Variants in NLRC5 observed in about 807,000 individuals in gnomAD.
NLRC5 encodes the protein protein NLRC5.
NLRC5 carries 114 observed loss-of-function variants against 206.9 expected under a neutral mutation model. The observed-to-expected ratio is 0.55, with a 90% confidence interval of 0.47 to 0.64. The LOEUF (loss-of-function observed/expected upper bound fraction) is 0.64, where lower values mean the gene tolerates loss of function less well. NLRC5 is among the 30% of genes least tolerant of loss of function. The probability of loss-of-function intolerance (pLI) is 0.00; values close to 1 mark genes in which losing one functional copy is unlikely to be tolerated. For missense variants in NLRC5, 2,008 were observed against 2,305.5 expected (o/e 0.87, Z 2.64); for synonymous variants, 952 against 962.8 (o/e 0.99, Z 0.21).
intron 48 of NLRC5, 53 bp downstream of exon 48, chr16:57,081,663 C>T: frequency 6.7e-7 from 1 of 1,484,998 alleles, no homozygotes. Context: ...ACACCAACCC[C>T]CAGATCTAAT....
Position 57,042,071 on chromosome 16 carries a change from T to C in NLRC5, c.3113+6T>C. 6.6e-7 allele frequency: 1 copy of C among 1,521,268 alleles called. No individual in the cohort carries two copies. Among genetic ancestry groups the C allele is most frequent in the Non-Finnish European group, 8.8e-7 (1 of 1,135,688 alleles). The allele number at this position is 1,521,268 out of a possible 1,614,324, so 94.2% of individuals were successfully genotyped here. A position where few individuals can be genotyped will look rare whatever the true frequency, so the allele number is the denominator to read the frequency against. The stretch of plus-strand genomic sequence containing the variant: ...GGAGCTCTGCAGTCCTTGAAGTGAG[T>C]AGCCCGCTAGGCAGAGCCTCTGAGG... On this transcript the variant is annotated splice_donor_region_variant and intron_variant, in intron 19 of 48. Coordinates refer to ENST00000688547, the MANE Select transcript of NLRC5 (RefSeq NM_001384950.1).
At chr16:57,075,005 CTTTTTTTTTTTTTTTTTTTTTT>C (rs77796033) in intron 39 of NLRC5, among the ~76,000 whole-genome samples, 7 of 58,104 alleles carry the variant, frequency 1.2e-4, no homozygotes, top group South Asian at 6.2e-4. Context: ...CTAGACTGTG[CTTTTTTTTTTTTTTTTTTTTTT>C]TTTTTTTTTT....
chr16:57,062,801 G>A (rs578224027), intron 32 of NLRC5: 2 of 152,362 alleles, frequency 1.3e-5, no homozygotes, highest in Admixed American at 6.5e-5. Flanking sequence ...ATTTCTAAGT[G>A]TACCATTCAG....
chr16:57,051,349 G>A (rs1476542532), intron 23 of NLRC5, among the ~76,000 whole-genome samples, 189 bp from the exon 24 acceptor site: 11 of 152,176 alleles, frequency 7.2e-5, no homozygotes, highest in Admixed American at 2.6e-4. Context: ...GCTTAACCCC[G>A]TATTTCCCAA....
intron 1 of NLRC5, among the ~76,000 whole-genome samples, chr16:57,006,888 CATTATT>C (rs9302685): frequency 6.2e-5 from 9 of 144,048 alleles, no homozygotes; most frequent in East Asian, 6.0e-4. Flanking sequence ...ACCGTTAACA[CATTATT>C]ATTATTATTA....
At chr16:57,047,307 C>G (rs2064122683) in intron 22 of NLRC5, among the ~76,000 whole-genome samples, 1 of 151,842 alleles carries the variant, frequency 6.6e-6, no homozygotes, top group African/African-American at 2.4e-5. Flanking sequence ...GTGGGGAGGA[C>G]TTGGAGAGTC....
At position 57,028,079 on chromosome 16, in the gene NLRC5, A is replaced by G. The variant is rs2061434701; in HGVS notation, c.2083A>G (p.Ser695Gly). The change falls in exon 7 of 49, where the codon AGC (serine) becomes GGC (glycine). Residue 695 changes from serine (S) to glycine (G), a missense_variant. Ser to Gly is a moderately conservative substitution (Grantham distance 56). Transcript: ENST00000688547. The part of the protein sequence containing the change: ...CGQIENLSFK[S>G]RKCGDAFAEA... The stretch of plus-strand genomic sequence containing the variant: ...CGCTTCTTCTTATGGCAGCTTTAAG[A>G]GCAGGAAGTGTGGGGATGCCTTTGC... 6.2e-7 allele frequency: 1 copy of G among 1,613,038 alleles called. No homozygotes were observed. Among genetic ancestry groups the G allele is most frequent in the Admixed American group, 1.7e-5 (1 of 59,928 alleles).
chr16:57,022,115 A>G, intron 3 of NLRC5, 141 bp from the exon 4 acceptor site: 5 of 613,678 alleles, frequency 8.1e-6, no homozygotes, highest in Non-Finnish European at 1.4e-5. Context: ...TCTCCACAAC[A>G]GATAACTGAG....
chr16:57,028,845 A>C (rs1373468030), intron 8 of NLRC5, among the ~76,000 whole-genome samples: 1 of 152,178 alleles, frequency 6.6e-6, no homozygotes, highest in African/African-American at 2.4e-5. Context: ...GCACACATGC[A>C]CCTTTAACTA....
intron 1 of NLRC5, among the ~76,000 whole-genome samples, chr16:57,008,215 C>A (rs1225978994): frequency 6.6e-6 from 1 of 152,126 alleles, no homozygotes; most frequent in Non-Finnish European, 1.5e-5. Flanking sequence ...GAGCAAGACC[C>A]CGCCTCTATT....
In NLRC5 at chr16:57,025,910, C is replaced by T. The variant is rs1173567466; in HGVS notation, c.967C>T (p.Pro323Ser). ...GCCTATGGGTCCTGATGGCCCAGGC[C>T]CAGTCCTCACCCTTTTCTCCCATCT... ...LQPMGPDGPG[P>S]VLTLFSHLCN... The change falls in exon 6 of 49, where the codon CCA becomes TCA. Residue 323 changes from proline (P) to serine (S), a missense_variant. Coordinates refer to ENST00000688547, the MANE Select transcript of NLRC5 (RefSeq NM_001384950.1). The T allele has an allele frequency of 1.2e-6, 2 of 1,614,098 alleles. No homozygotes were observed. Among genetic ancestry groups the T allele is most frequent in the Non-Finnish European group, 1.7e-6 (2 of 1,180,046 alleles).
chr16:57,039,490 G>A (rs996288900), intron 15 of NLRC5, among the ~76,000 whole-genome samples: 2 of 152,162 alleles, frequency 1.3e-5, no homozygotes, highest in Non-Finnish European at 2.9e-5. Context: ...GGAAGCAAAG[G>A]TGGGAGGATC....
intron 23 of NLRC5, chr16:57,047,941 AC>A: frequency 2.6e-6 from 1 of 388,604 alleles, no homozygotes; most frequent in Non-Finnish European, 4.8e-6. Context: ...TCACCAGGGC[AC>A]CCACTTGAAC....
At chr16:57,031,338 G>T (rs543286845) in intron 10 of NLRC5, 66 bp from the exon 11 acceptor site, 34 of 1,536,682 alleles carry the variant, frequency 2.2e-5, no homozygotes, top group Non-Finnish European at 3.0e-5. Flanking sequence ...AAAAGGGTGT[G>T]CCTGTGGTGG....
chr16:57,079,850 T>C (rs1439052607), intron 46 of NLRC5, among the ~76,000 whole-genome samples: 2 of 152,254 alleles, frequency 1.3e-5, no homozygotes, highest in African/African-American at 2.4e-5. Context: ...TTTACCTTCT[T>C]CTGCCTTTTT....
intron 12 of NLRC5, 131 bp downstream of exon 12, chr16:57,033,800 G>A: frequency 1.2e-6 from 1 of 851,286 alleles, no homozygotes; most frequent in South Asian, 1.5e-5. Flanking sequence ...AGCCGGGTGT[G>A]GTGCCCATCC....
At chr16:57,027,437 G>A (rs1312510891) in intron 6 of NLRC5, among the ~76,000 whole-genome samples, 1 of 152,280 alleles carries the variant, frequency 6.6e-6, no homozygotes, top group East Asian at 1.9e-4. Context: ...TTGTAGCACA[G>A]TGCCTAGCAC....
intron 20 of NLRC5, among the ~76,000 whole-genome samples, chr16:57,044,226 A>G (rs2063651887): frequency 1.3e-5 from 2 of 151,538 alleles, no homozygotes; most frequent in Non-Finnish European, 2.9e-5. Flanking sequence ...AATCACTTGA[A>G]CCCAGGAGGC....
chr16:57,046,451 A>G, intron 21 of NLRC5, 101 bp from the exon 22 acceptor site: 1 of 940,266 alleles, frequency 1.1e-6, no homozygotes, highest in Non-Finnish European at 1.7e-6. Flanking sequence ...GGTGATCTGA[A>G]CTTTCCTTTC....
Sources: allele counts gnomAD v4.1 joint callset (sites outside exome capture counted in the v4.1 genomes callset), GRCh38; gene constraint gnomAD v4.1.1; transcripts MANE v1.5; gene names NCBI Gene and HGNC (gene_info 2026-07-23, HGNC 2026-07-21).